The following PHKA1 variants were observed in gnomAD, a reference collection of about 807,000 sequenced individuals.
PHKA1 encodes the protein phosphorylase b kinase regulatory subunit alpha, skeletal muscle isoform.
In PHKA1, 60 loss-of-function variants were observed where a neutral mutation model predicts 110.2. That is an observed-to-expected ratio of 0.54 (90% CI 0.44 to 0.68). The LOEUF (loss-of-function observed/expected upper bound fraction) is 0.68, where lower values mean the gene tolerates loss of function less well. Among genes scored for constraint, PHKA1 ranks in the 30% least tolerant of loss-of-function variants. The pLI, the probability that PHKA1 is intolerant of heterozygous loss-of-function variation, is 0.00. For missense variants in PHKA1, 801 were observed against 942.5 expected (o/e 0.85, Z 1.97); for synonymous variants, 316 against 333.6 (o/e 0.95, Z 0.58).
At chrX:72,669,788 C>T (rs1370549295) in intron 6 of PHKA1, among the ~76,000 whole-genome samples, 1 of 110,342 alleles carries the variant, frequency 9.1e-6, no homozygotes, top group African/African-American at 3.3e-5. Context: ...CATTGTTGGA[C>T]ATGTGGGTTG....
In PHKA1 at chrX:72,713,881, G is replaced by A. The variant is rs781928378; in HGVS notation, c.-1C>T. ...CCCCGGAGTTACTCCGGCTCCTCAT[G>A]GCGACACGTTACTAATTGTCCTCTG... On this transcript the variant is annotated 5_prime_UTR_variant, in exon 1 of 32. Transcript: ENST00000373542. 8.4e-7 allele frequency: 1 copy of A among 1,196,463 alleles called. No homozygotes were observed. The highest frequency in any genetic ancestry group is 1.1e-6 in the Non-Finnish European group (1 of 881,566).
intron 16 of PHKA1, among the ~76,000 whole-genome samples, chrX:72,634,581 AAG>A (rs1443612234): frequency 9.1e-6 from 1 of 109,847 alleles, no homozygotes; most frequent in Non-Finnish European, 1.9e-5. Context: ...AAAAAAAAAA[AAG>A]AGGAAACGTA....
At chrX:72,620,667 C>G in intron 19 of PHKA1, 58 bp downstream of exon 19, 1 of 1,035,942 alleles carries the variant, frequency 9.7e-7, no homozygotes, top group Non-Finnish European at 1.4e-6. Context: ...ATGCCCGCCC[C>G]TATCCTGGGC....
At chrX:72,595,539 T>G (rs1556233013) in intron 28 of PHKA1, among the ~76,000 whole-genome samples, 2 of 112,035 alleles carry the variant, frequency 1.8e-5, no homozygotes, top group Non-Finnish European at 1.9e-5. Flanking sequence ...TATATAGAAA[T>G]TCTAAGGAAT....
In PHKA1 at chrX:72,705,148, A is replaced by G. The variant is rs782649590; in HGVS notation, c.285+50T>C. 31 of 874,766 alleles carry G rather than the reference A, an allele frequency of 3.5e-5. 1 individual carries two copies. Among genetic ancestry groups the G allele is most frequent in the Non-Finnish European group, 4.5e-5 (27 of 595,186 alleles). The allele number at this position is 874,766 out of a possible 1,213,427, so 72.1% of individuals were successfully genotyped here. ...TAAACATTCCCTAAAGGGTAGAGAT[A>G]CTATTACAATGTGCTTTTATTAGAG... On this transcript the variant is annotated intron_variant, in intron 3 of 31. Coordinates refer to ENST00000373542, the MANE Select transcript of PHKA1 (RefSeq NM_002637.4).
rs2054329224 is a variant in PHKA1 at position 72,709,023 on chromosome X, A to T, written c.237+3756T>A. ...TTTTGTAGTTTGTTTTTAGTTGGAA[A>T]GGTGGGGTTTCAGACACATTGAGTT... On this transcript the variant is annotated intron_variant, in intron 2 of 31. Transcript: ENST00000373542. Among the ~76,000 whole-genome samples the T allele has an allele frequency of 2.7e-5, 3 of 111,426 alleles. No individual in the cohort carries two copies. The South Asian group carries it at 1.1e-3, about 42-fold the overall frequency.
rs368249832 is a variant in PHKA1 at position 72,713,760 on chromosome X, T to G, written c.78+43A>C. On this transcript the variant is annotated intron_variant, in intron 1 of 31. Transcript: ENST00000373542. ...GGTCTCCGTCCAAGCTATGACAAGCTACATCCTCGCTCGGTGATTACGAGA... is the reference window on the plus strand; with the variant it reads ...GGTCTCCGTCCAAGCTATGACAAGCGACATCCTCGCTCGGTGATTACGAGA... 1.6e-5 allele frequency: 17 copies of G among 1,046,182 alleles called. No individual in the cohort carries two copies. The African/African-American group carries it at 1.9e-4, about 11-fold the overall frequency. 86.2% of individuals were successfully genotyped at this position (1,046,182 alleles called of 1,213,427 possible). A position where few individuals can be genotyped will look rare whatever the true frequency, so the allele number is the denominator to read the frequency against.
chrX:72,667,048 C>G (rs1240711921), intron 7 of PHKA1, among the ~76,000 whole-genome samples: 1 of 112,267 alleles, frequency 8.9e-6, no homozygotes, highest in Non-Finnish European at 1.9e-5. Flanking sequence ...TCCATCATCT[C>G]TGGTTTTCTT....
chrX:72,623,523 G>A (rs1434077233), intron 17 of PHKA1, among the ~76,000 whole-genome samples: 1 of 111,210 alleles, frequency 9.0e-6, no homozygotes, highest in East Asian at 2.8e-4. Context: ...GACCAGTTTT[G>A]CTCTCTTCTA....
rs1473576299 is a variant in PHKA1 at position 72,580,115 on chromosome X, T to C, written c.*887A>G. On this transcript the variant is annotated 3_prime_UTR_variant, in exon 32 of 32. Coordinates refer to ENST00000373542, the MANE Select transcript of PHKA1 (RefSeq NM_002637.4). ...GCTGTCTTCAGGGAACTAAGCCACCTCTGATTCCCTCTCTGTTCCCTATGT... is the reference window on the plus strand; with the variant it reads ...GCTGTCTTCAGGGAACTAAGCCACCCCTGATTCCCTCTCTGTTCCCTATGT... 27 of 111,947 alleles carry C rather than the reference T, an allele frequency of 2.4e-4. No individual in the cohort carries two copies. The highest frequency in any genetic ancestry group is 1.9e-4 in the Non-Finnish European group (10 of 53,195). The allele number at this position is 111,947 out of a possible 1,213,427, so 9.2% of individuals were successfully genotyped here.
chrX:72,688,302 G>GT, intron 4 of PHKA1, among the ~76,000 whole-genome samples: 1 of 112,094 alleles, frequency 8.9e-6, no homozygotes, highest in East Asian at 2.8e-4. Flanking sequence ...GGCAAAGTGT[G>GT]TTTTTTCTTG....
At chrX:72,692,576 G>T (rs781962572) in intron 4 of PHKA1, among the ~76,000 whole-genome samples, 2 of 111,805 alleles carry the variant, frequency 1.8e-5, no homozygotes, top group South Asian at 7.5e-4. Flanking sequence ...TATCTTTCAA[G>T]AAATTTTCCC....
chrX:72,595,478 T>A (rs1468474666), intron 28 of PHKA1, among the ~76,000 whole-genome samples: 1 of 111,209 alleles, frequency 9.0e-6, no homozygotes, highest in Admixed American at 9.6e-5. Flanking sequence ...ATAAAAGGCA[T>A]CCAGATTGGA....
chrX:72,658,318 G>C (rs1195039567), intron 8 of PHKA1, among the ~76,000 whole-genome samples: 1 of 110,112 alleles, frequency 9.1e-6, no homozygotes. Flanking sequence ...AATTAGCCAG[G>C]CGTGGTGGCA....
intron 8 of PHKA1, among the ~76,000 whole-genome samples, chrX:72,658,528 C>T (rs2053524488): frequency 9.2e-6 from 1 of 109,024 alleles, no homozygotes; most frequent in Admixed American, 9.8e-5. Context: ...TGGATTTCAT[C>T]AGTTGTCCTT....
chrX:72,596,257 A>C (rs2052587897), intron 28 of PHKA1, among the ~76,000 whole-genome samples: 1 of 111,664 alleles, frequency 9.0e-6, no homozygotes, highest in Non-Finnish European at 1.9e-5. Context: ...AAACTCATAG[A>C]AGCAGAGAGT....
intron 16 of PHKA1, among the ~76,000 whole-genome samples, chrX:72,630,113 A>G (rs1037784715): frequency 3.6e-5 from 4 of 111,512 alleles, no homozygotes; most frequent in African/African-American, 1.3e-4. Flanking sequence ...TTAGCCGGGC[A>G]TGGTGGTGCA....
At chrX:72,676,320 C>G (rs1271153872) in intron 5 of PHKA1, among the ~76,000 whole-genome samples, 170 bp from the exon 6 acceptor site, 3 of 110,774 alleles carry the variant, frequency 2.7e-5, no homozygotes, top group African/African-American at 9.9e-5. Context: ...TGGGGTGGCC[C>G]CTGCAGCTAC....
chrX:72,676,372 TG>T (rs1908665943), intron 5 of PHKA1, among the ~76,000 whole-genome samples: 1 of 111,249 alleles, frequency 9.0e-6, no homozygotes, highest in South Asian at 3.8e-4. Flanking sequence ...TCCAAGCCAT[TG>T]GAAGACTCCT....
Sources: gnomAD v4.1 joint callset for allele counts (sites outside exome capture counted in the v4.1 genomes callset) on GRCh38, gnomAD v4.1.1 for gene constraint, MANE v1.5 for transcripts, NCBI Gene and HGNC (gene_info 2026-07-23, HGNC 2026-07-21) for gene names.